Variants in RAPGEF1 observed in about 807,000 individuals in gnomAD.
The protein encoded by RAPGEF1 is CRK SH3-binding GNRP.
A neutral mutation model predicts 143.3 loss-of-function variants in RAPGEF1; 33 were observed. The observed-to-expected ratio is 0.23, with a 90% CI of 0.17 to 0.31. The LOEUF is 0.31. RAPGEF1 is among the 10% of genes least tolerant of loss of function. The pLI, the probability that RAPGEF1 is intolerant of heterozygous loss-of-function variation, is 1.00. For synonymous variants in RAPGEF1, 629 were observed against 676.5 expected, an observed-to-expected ratio of 0.93 and a Z score of 1.09; for missense variants, 1,199 against 1,645.4, an observed-to-expected ratio of 0.73 and a Z score of 4.69.
chr9:131,603,924 C>G lies in RAPGEF1; in HGVS notation c.2412+37G>C, dbSNP rs745308559. On this transcript the variant is annotated intron_variant, in intron 14 of 26. Transcript: ENST00000683357. ...AGGGCAGAGCCCAAGCCCCACCAGG[C>G]CAGGCCACATGCAGGAGGCCGCCCG... 28 of 1,241,938 alleles carry G rather than the reference C, an allele frequency of 2.3e-5. No individual in the cohort carries two copies. The Admixed American group carries it at 6.5e-4, about 29-fold the overall frequency. 76.9% of individuals were successfully genotyped at this position (1,241,938 alleles called of 1,614,324 possible). A position where few individuals can be genotyped will look rare whatever the true frequency, so the allele number is the denominator to read the frequency against.
intron 16 of RAPGEF1, 45 bp from the exon 17 acceptor site, chr9:131,596,418 T>A (rs1309992279): frequency 3.2e-6 from 5 of 1,583,830 alleles, no homozygotes; most frequent in Non-Finnish European, 4.3e-6. Context: ...GAGTATGCCC[T>A]TCAGAGAATC....
In RAPGEF1 at chr9:131,650,668, A is replaced by G; in HGVS notation, c.201+142T>C. 7.8e-7 allele frequency: 1 copy of G among 1,281,388 alleles called. No individual in the cohort carries two copies. The highest frequency in any genetic ancestry group is 1.1e-6 in the Non-Finnish European group (1 of 924,426). The allele number at this position is 1,281,388 out of a possible 1,614,324, so 79.4% of individuals were successfully genotyped here. Reference sequence around the variant, plus strand: ...CTAATGGTTCTTATTTTACAAGGACACCAAAGGTCCCGCCCATGGAATGCT... The same window carrying G: ...CTAATGGTTCTTATTTTACAAGGACGCCAAAGGTCCCGCCCATGGAATGCT... On this transcript the variant is annotated intron_variant, in intron 2 of 26. Transcript: ENST00000683357. This position sits in a 1 kb window ranked among gnomAD's most constrained non-coding sequence, Gnocchi z 4.7.
chr9:131,676,978 A>G (rs540147422), intron 1 of RAPGEF1, among the ~76,000 whole-genome samples: 4 of 152,326 alleles, frequency 2.6e-5, no homozygotes, highest in African/African-American at 9.6e-5. Flanking sequence ...GGTGATTCTG[A>G]TACACAGTAA....
chr9:131,710,165 C>T (rs1468498898), intron 1 of RAPGEF1, among the ~76,000 whole-genome samples: 1 of 152,152 alleles, frequency 6.6e-6, no homozygotes, highest in Non-Finnish European at 1.5e-5. Flanking sequence ...TATGCCACGC[C>T]TTCTATTTCA....
In RAPGEF1 at chr9:131,630,254, G is replaced by A. The variant is rs774599191; in HGVS notation, c.722C>T (p.Pro241Leu). ...SPTSPVKPSS[P>L]ASKPDGPAEL... is the part of the protein sequence containing the mutation. ...CACCTACCCATCAGGCTTGCTGGCA[G>A]GGGAACTGGGCTTCACGGGGCTCGT... The change falls in exon 6 of 27, where the codon CCT (proline) becomes CTT (leucine). Residue 241 changes from proline (P) to leucine (L), a missense_variant. Physicochemically the swap from Pro to Leu is moderately conservative, Grantham distance 98. Transcript: ENST00000683357. 2 of 1,613,838 alleles carry A rather than the reference G, an allele frequency of 1.2e-6. No individual in the cohort carries two copies. The highest frequency in any genetic ancestry group is 1.1e-5 in the South Asian group (1 of 91,074).
At chr9:131,622,091 T>C in intron 10 of RAPGEF1, 93 bp from the exon 11 acceptor site, 2 of 1,258,016 alleles carry the variant, frequency 1.6e-6, no homozygotes, top group Admixed American at 2.0e-5. Flanking sequence ...TAGGGGGCTT[T>C]CCACTGAAAG....
rs1962933731 is a variant in RAPGEF1 at position 131,626,094 on chromosome 9, C to A, written c.1530G>T (p.Leu510=). 5.0e-6 allele frequency: 8 copies of A among 1,613,986 alleles called. No individual in the cohort carries two copies. Among genetic ancestry groups the A allele is most frequent in the Non-Finnish European group, 6.8e-6 (8 of 1,179,858 alleles). The part of the protein sequence containing the change: ...SQYDNISGED[L]QSTAPIPSVP... ...CGGATGGGATCGGGGCTGTGCTCTG[C>A]AGGTCCTCCCCAGAGATGTTGTCAT... The change falls in exon 10 of 27, where the codon CTG becomes CTT. Residue 510 remains leucine, a synonymous_variant. Coordinates refer to ENST00000683357, the MANE Select transcript of RAPGEF1 (RefSeq NM_001377935.1).
At position 131,634,713 on chromosome 9, in the gene RAPGEF1, CAAAAAA is replaced by C. The variant is rs35405559; in HGVS notation, c.651+3916_651+3921del. Among the ~76,000 whole-genome samples, 374 of 61,178 alleles carry C rather than the reference CAAAAAA, an allele frequency of 6.1e-3. 2 individuals carry two copies. The highest frequency in any genetic ancestry group is 7.3e-3 in the African/African-American group (94 of 12,806). The allele number at this position is 61,178 out of a possible 152,430, so 40.1% of individuals were successfully genotyped here. On this transcript the variant is annotated intron_variant, in intron 5 of 26. Transcript: ENST00000683357. ...GGGCAACAAGAGTGAGACTCCGTCT[CAAAAAA>C]AAAAAAAAAAAAAAAAAAAAGAAAA...
chr9:131,706,795 C>T (rs1028132192), intron 1 of RAPGEF1, among the ~76,000 whole-genome samples: 4 of 152,150 alleles, frequency 2.6e-5, no homozygotes, highest in Non-Finnish European at 5.9e-5. Context: ...CAAATAAAAC[C>T]CTATGCGCCA....
intron 1 of RAPGEF1, among the ~76,000 whole-genome samples, chr9:131,693,357 C>T (rs1298901547): frequency 6.6e-6 from 1 of 151,986 alleles, no homozygotes; most frequent in Non-Finnish European, 1.5e-5. Context: ...CTGCAATATG[C>T]CCAATAGACC....
intron 1 of RAPGEF1, among the ~76,000 whole-genome samples, chr9:131,728,927 C>T (rs1836845469): frequency 6.6e-6 from 1 of 152,214 alleles, no homozygotes; most frequent in Admixed American, 6.5e-5. Context: ...GGATTTTCCC[C>T]ATTTTACAGA....
chr9:131,586,248 T>C (rs1444830461), intron 22 of RAPGEF1, among the ~76,000 whole-genome samples: 1 of 100,320 alleles, frequency 1.0e-5, no homozygotes, highest in Non-Finnish European at 1.9e-5. Context: ...AGAGCAAGAC[T>C]CTGTCTCAAA....
chr9:131,681,590 C>T (rs186556319), intron 1 of RAPGEF1, among the ~76,000 whole-genome samples: 3 of 152,218 alleles, frequency 2.0e-5, no homozygotes, highest in Admixed American at 1.3e-4. Flanking sequence ...TTGTCTAACT[C>T]CTGCTCAGTT....
chr9:131,736,151 GA>G (rs1444943066), intron 1 of RAPGEF1, among the ~76,000 whole-genome samples: 2 of 152,142 alleles, frequency 1.3e-5, no homozygotes, highest in African/African-American at 4.8e-5. Context: ...CAGTCTTCCA[GA>G]ACAAATCCCT....
chr9:131,653,514 C>T (rs1971643880), intron 1 of RAPGEF1, among the ~76,000 whole-genome samples: 1 of 152,164 alleles, frequency 6.6e-6, no homozygotes, highest in Admixed American at 6.5e-5. Flanking sequence ...AGCAGACATT[C>T]TCCAAAGAAG....
At chr9:131,599,473 A>G (rs1955902852) in intron 15 of RAPGEF1, among the ~76,000 whole-genome samples, 1 of 148,582 alleles carries the variant, frequency 6.7e-6, no homozygotes, top group African/African-American at 2.5e-5. Flanking sequence ...TCACAGTAGC[A>G]CAGAGAAAGG....
chr9:131,613,001 C>T (rs1000222172), intron 12 of RAPGEF1, among the ~76,000 whole-genome samples: 1 of 152,232 alleles, frequency 6.6e-6, no homozygotes, highest in Admixed American at 6.5e-5. Flanking sequence ...CCCCTCTCCT[C>T]AGGGGACATG....
At chr9:131,726,444 T>C (rs1279571676) in intron 1 of RAPGEF1, among the ~76,000 whole-genome samples, 4 of 151,976 alleles carry the variant, frequency 2.6e-5, no homozygotes, top group Non-Finnish European at 5.9e-5. Context: ...CTGGCCAATG[T>C]GGTGAAACCC....
In RAPGEF1 at chr9:131,579,123, A is replaced by AGTCAGTGAGCACCTGTGTGGGCTGGATGG; in HGVS notation, c.*373_*374insCCATCCAGCCCACACAGGTGCTCACTGAC. ...ACCCTGGAGCTTAGGGAGGGGGAGC[A>AGTCAGTGAGCACCTGTGTGGGCTGGATGG]CCCACCACTTCCTTGGTCTGCTGAT... On this transcript the variant is annotated 3_prime_UTR_variant, in exon 27 of 27. Transcript: ENST00000683357. 5.3e-6 allele frequency: 1 copy of AGTCAGTGAGCACCTGTGTGGGCTGGATGG among 189,704 alleles called. No individual in the cohort carries two copies. The highest frequency in any genetic ancestry group is 1.1e-5 in the Non-Finnish European group (1 of 90,674). The allele number at this position is 189,704 out of a possible 1,614,324, so 11.8% of individuals were successfully genotyped here.
Sources: allele counts gnomAD v4.1 joint callset (sites outside exome capture counted in the v4.1 genomes callset), GRCh38; gene constraint gnomAD v4.1.1; non-coding constraint Gnocchi (gnomAD v3.1); transcripts MANE v1.5; gene names NCBI Gene and HGNC (gene_info 2026-07-23, HGNC 2026-07-21).